The following PLA2G6 variants were observed in gnomAD, a reference collection of about 807,000 sequenced individuals.
The protein encoded by PLA2G6 is phospholipase A2 group VI.
PLA2G6 carries 62 observed loss-of-function variants against 83.8 expected under a neutral mutation model. That is an observed-to-expected ratio of 0.74 (90% CI 0.60 to 0.91). The LOEUF is 0.91. PLA2G6 is among the 40% of genes least tolerant of loss of function. The pLI is 0.00. For missense variants in PLA2G6, 944 were observed against 1,102.0 expected, an observed-to-expected ratio of 0.86 and a Z score of 2.03; for synonymous variants, 417 against 449.8, an observed-to-expected ratio of 0.93 and a Z score of 0.92.
At chr22:38,140,272 C>T (rs766074930) in intron 4 of PLA2G6, 103 bp from the exon 5 acceptor site, 93 of 1,063,694 alleles carry the variant, frequency 8.7e-5, no homozygotes, top group Non-Finnish European at 1.2e-4. Flanking sequence ...CTTTGGGAGG[C>T]CAAGGTGGGT....
chr22:38,160,258 T>C (rs955300923), intron 2 of PLA2G6, among the ~76,000 whole-genome samples: 4 of 152,086 alleles, frequency 2.6e-5, no homozygotes, highest in African/African-American at 9.7e-5. Context: ...AGATATGAAG[T>C]AACAGAAAGT....
intron 1 of PLA2G6, among the ~76,000 whole-genome samples, chr22:38,179,166 G>A (rs1014489770): frequency 1.3e-5 from 2 of 152,062 alleles, no homozygotes; most frequent in Admixed American, 6.5e-5. Context: ...GAGAGCGTGT[G>A]CAAAGGCCAT....
At chr22:38,120,509 G>A (rs2087462525) in intron 12 of PLA2G6, among the ~76,000 whole-genome samples, 1 of 152,114 alleles carries the variant, frequency 6.6e-6, no homozygotes, top group Admixed American at 6.5e-5. Flanking sequence ...GCAGAGCCGG[G>A]CAGGGCAGAG....
intron 13 of PLA2G6, 52 bp from the exon 14 acceptor site, chr22:38,115,733 C>A: frequency 6.4e-7 from 1 of 1,553,038 alleles, no homozygotes; most frequent in Non-Finnish European, 8.7e-7. Context: ...TGGCATAAAA[C>A]CCATGCACTC....
intron 3 of PLA2G6, chr22:38,144,277 C>T (rs1484954231): frequency 6.6e-6 from 1 of 152,078 alleles, no homozygotes; most frequent in Non-Finnish European, 1.5e-5. Flanking sequence ...GGATCCAAGC[C>T]CCTCTTTCAC....
chr22:38,153,884 G>A (rs751692668), intron 2 of PLA2G6, among the ~76,000 whole-genome samples: 1 of 152,202 alleles, frequency 6.6e-6, no homozygotes, highest in African/African-American at 2.4e-5. Flanking sequence ...CCTAAAGGGA[G>A]AGTCCCAGGC....
chr22:38,115,074 A>G (rs914245501), intron 14 of PLA2G6, among the ~76,000 whole-genome samples: 2 of 152,204 alleles, frequency 1.3e-5, no homozygotes, highest in Non-Finnish European at 2.9e-5. Context: ...TCTGTCCCCA[A>G]GGGCCTCAGG....
intron 2 of PLA2G6, among the ~76,000 whole-genome samples, chr22:38,162,681 G>A: frequency 6.6e-6 from 1 of 152,172 alleles, no homozygotes; most frequent in East Asian, 1.9e-4. Flanking sequence ...GAGGATGTGG[G>A]GGAGCACCCC....
At chr22:38,116,606 G>C (rs899754844) in intron 12 of PLA2G6, among the ~76,000 whole-genome samples, 8 of 152,110 alleles carry the variant, frequency 5.3e-5, no homozygotes, top group African/African-American at 1.9e-4. Flanking sequence ...TGTAATCCCA[G>C]CACTTTGGGA....
At chr22:38,167,149 A>G (rs1185867621) in intron 2 of PLA2G6, among the ~76,000 whole-genome samples, 1 of 149,666 alleles carries the variant, frequency 6.7e-6, no homozygotes, top group Non-Finnish European at 1.5e-5. Flanking sequence ...AATGGCGTGA[A>G]CCTGGGAGGC....
intron 14 of PLA2G6, among the ~76,000 whole-genome samples, chr22:38,114,962 G>A (rs1243790868): frequency 6.6e-6 from 1 of 152,034 alleles, no homozygotes; most frequent in Non-Finnish European, 1.5e-5. Context: ...CGCCCGCCAC[G>A]CCACAGGGCC....
chr22:38,126,197 G>A (rs1236076281), intron 10 of PLA2G6, 174 bp downstream of exon 10: 3 of 687,176 alleles, frequency 4.4e-6, no homozygotes, highest in South Asian at 1.5e-5. Context: ...TAATGAACGA[G>A]CGACACAGGC....
At chr22:38,156,814 T>C (rs1260170197) in intron 2 of PLA2G6, among the ~76,000 whole-genome samples, 1 of 152,120 alleles carries the variant, frequency 6.6e-6, no homozygotes, top group Non-Finnish European at 1.5e-5. Flanking sequence ...GAAATAAAAC[T>C]ACAAATCAAA....
chr22:38,164,729 A>G (rs1379368316), intron 2 of PLA2G6, among the ~76,000 whole-genome samples: 1 of 152,160 alleles, frequency 6.6e-6, no homozygotes, highest in Non-Finnish European at 1.5e-5. Flanking sequence ...GCGGAAGGCT[A>G]GCAGCCCATG....
rs185680384 is a variant in PLA2G6, at chr22:38,166,725, C to T, written c.209+2493G>A. Among the ~76,000 whole-genome samples, 685 of 119,386 alleles carry T rather than the reference C, an allele frequency of 5.7e-3. 7 individuals carry two copies. Among genetic ancestry groups the T allele is most frequent in the African/African-American group, 0.023 (662 of 28,238 alleles). 78.3% of individuals were successfully genotyped at this position (119,386 alleles called of 152,430 possible). A position where few individuals can be genotyped will look rare whatever the true frequency, so the allele number is the denominator to read the frequency against. On this transcript the variant is annotated intron_variant, in intron 2 of 16. Transcript: ENST00000332509. ...GCCTGGGCAACAGAGCAAGACTTAA[C>T]GTCTCAAAAAAATAAATACATACAT...
chr22:38,159,224 A>G (rs1320353570), intron 2 of PLA2G6, among the ~76,000 whole-genome samples: 1 of 152,170 alleles, frequency 6.6e-6, no homozygotes, highest in Non-Finnish European at 1.5e-5. Flanking sequence ...TCCATACATT[A>G]AAAAGGAAAT....
intron 9 of PLA2G6, chr22:38,127,384 C>T (rs750177580): frequency 1.5e-6 from 2 of 1,313,004 alleles, no homozygotes; most frequent in South Asian, 2.5e-5. Context: ...GGCTCGGTGG[C>T]CTCTCCAGGC....
At chr22:38,176,993 C>T (rs568561117) in intron 1 of PLA2G6, among the ~76,000 whole-genome samples, 9 of 147,218 alleles carry the variant, frequency 6.1e-5, no homozygotes, top group Admixed American at 2.8e-4. Context: ...TGCAGTGAGC[C>T]GAGATCATGC....
intron 14 of PLA2G6, 85 bp from the exon 15 acceptor site, chr22:38,113,739 C>CCCAGTCT: frequency 8.1e-7 from 1 of 1,237,576 alleles, no homozygotes; most frequent in Non-Finnish European, 1.2e-6. Flanking sequence ...AGGCCCAAGA[C>CCCAGTCT]TGGGCTCTGG....
Sources: allele counts gnomAD v4.1 joint callset (sites outside exome capture counted in the v4.1 genomes callset), GRCh38; gene constraint gnomAD v4.1.1; transcripts MANE v1.5; gene names NCBI Gene and HGNC (gene_info 2026-07-23, HGNC 2026-07-21).